MBD5: variants seen among roughly 807,000 people sequenced by gnomAD.
MBD5 encodes methyl-CpG binding domain protein 5, also known as methyl-CpG-binding domain protein 5.
Under a neutral mutation model 117.3 loss-of-function variants are expected in MBD5, and 13 were observed. The ratio of observed to expected loss-of-function variants is 0.11; its 90% CI spans 0.07 to 0.18. The LOEUF is 0.18. Ranked by LOEUF, MBD5 falls within the 10% of genes least tolerant of loss-of-function variation. The pLI, the probability that MBD5 is intolerant of heterozygous loss-of-function variation, is 1.00. For synonymous variants in MBD5, 727 were observed against 766.4 expected, an observed-to-expected ratio of 0.95 and a Z score of 0.85; for missense variants, 1,879 against 2,093.8, an observed-to-expected ratio of 0.90 and a Z score of 2.00.
intron 4 of MBD5, among the ~76,000 whole-genome samples, chr2:148,354,500 T>C (rs1359979145): frequency 6.6e-6 from 1 of 152,248 alleles, no homozygotes; most frequent in Non-Finnish European, 1.5e-5. Flanking sequence ...CACATTTTCT[T>C]TATCCAGTCT....
intron 1 of MBD5, among the ~76,000 whole-genome samples, chr2:148,034,456 A>G (rs1694131497): frequency 6.6e-6 from 1 of 152,228 alleles, no homozygotes; most frequent in Non-Finnish European, 1.5e-5. Context: ...TTTAAAAACC[A>G]TGATTATGAT....
Position 148,309,340 on chromosome 2 carries a change from T to C in MBD5, c.-679-32874T>C, listed in dbSNP as rs994162914. On this transcript the variant is annotated intron_variant, in intron 3 of 13. Coordinates refer to ENST00000642680, the MANE Select transcript of MBD5 (RefSeq NM_001378120.1). ...CCTCTTTTATTTCCTTCAGCAGTGG[T>C]TTGTAATTCTCCCTGAAGAGGTCCT... Among the ~76,000 whole-genome samples, 3 of 152,310 alleles carry C rather than the reference T, an allele frequency of 2.0e-5. 1 individual carries two copies. The highest frequency in any genetic ancestry group is 2.0e-4 in the Admixed American group (3 of 15,294).
At chr2:148,200,792 A>G (rs955987876) in intron 2 of MBD5, among the ~76,000 whole-genome samples, 8 of 151,360 alleles carry the variant, frequency 5.3e-5, no homozygotes, top group Non-Finnish European at 1.0e-4. Context: ...GCACATCATT[A>G]AGGAACACTT....
At chr2:148,251,606 A>G (rs954322731) in intron 3 of MBD5, among the ~76,000 whole-genome samples, 8 of 152,214 alleles carry the variant, frequency 5.3e-5, no homozygotes, top group African/African-American at 1.9e-4. Flanking sequence ...TTCCTATTCA[A>G]TTGAAAATAC....
chr2:148,483,710 A>G lies in MBD5; in HGVS notation c.3119A>G (p.Gln1040Arg). The change falls in exon 9 of 14, where the codon CAG becomes CGG. Residue 1040 changes from glutamine to arginine, a missense_variant. This residue lies in a region of MBD5 where 1,666 missense variants were observed against 1,792.2 expected (regional missense o/e 0.93). Coordinates refer to ENST00000642680, the MANE Select transcript of MBD5 (RefSeq NM_001378120.1). ...TAPPDHLPSN[Q>R]SDNSRAETLL... ...CCACCAGACCATTTGCCAAGCAATC[A>G]GTCAGACAACAGCCGAGCTGAGACC... is the stretch of plus-strand genomic sequence containing the variant. 1 of 1,550,576 alleles carries G rather than the reference A, an allele frequency of 6.4e-7. No homozygotes were observed. Among genetic ancestry groups the G allele is most frequent in the Non-Finnish European group, 8.7e-7 (1 of 1,146,964 alleles).
intron 1 of MBD5, among the ~76,000 whole-genome samples, chr2:148,122,651 C>G (rs1696796595): frequency 6.6e-6 from 1 of 152,056 alleles, no homozygotes; most frequent in Non-Finnish European, 1.5e-5. Context: ...TAACATTTTC[C>G]TCGAGGTGGC....
chr2:148,469,462 A>C lies in MBD5; in HGVS notation c.1519A>C (p.Ser507Arg). 1 of 1,613,914 alleles carries C rather than the reference A, an allele frequency of 6.2e-7. No individual in the cohort carries two copies. Among genetic ancestry groups the C allele is most frequent in the Non-Finnish European group, 8.5e-7 (1 of 1,179,934 alleles). Residue 507 changes from serine (S) to arginine (R), a missense_variant, in exon 8 of 14, where the codon AGC becomes CGC. Physicochemically the swap from Ser to Arg is moderately radical, Grantham distance 110 (BLOSUM62 -1). Transcript: ENST00000642680. ...GTCCCCAAGGCCATCAATGCCATCA[A>C]GCCCTTCTACCAAGTCCGATGGACA... ...IGSPRPSMPS[S>R]PSTKSDGHHQ...
In MBD5 at chr2:148,074,507, G is replaced by GTTTTTTTTTTTTTTTTTTTTTTTGT. The variant is rs11443189; in HGVS notation, c.-925+52834_-925+52835insTTTTTTTTTTTTGTTTTTTTTTTTT. Among the ~76,000 whole-genome samples the GTTTTTTTTTTTTTTTTTTTTTTTGT allele has an allele frequency of 1.8e-5, 2 of 113,772 alleles. 1 individual carries two copies. The highest frequency in any genetic ancestry group is 6.9e-5 in the African/African-American group (2 of 28,966). The allele number at this position is 113,772 out of a possible 152,430, so 74.6% of individuals were successfully genotyped here. A position where few individuals can be genotyped will look rare whatever the true frequency, so the allele number is the denominator to read the frequency against. On this transcript the variant is annotated intron_variant, in intron 1 of 13. Transcript: ENST00000642680. Reference sequence around the variant, plus strand: ...TTGTTTTTTTTTTGTTTTTTTTTTTGTTTTTTTTTTTGAGATGGAGTCTTG... The same window carrying GTTTTTTTTTTTTTTTTTTTTTTTGT: ...TTGTTTTTTTTTTGTTTTTTTTTTTGTTTTTTTTTTTTTTTTTTTTTTTGTTTTTTTTTTTTGAGATGGAGTCTTG...
intron 4 of MBD5, among the ~76,000 whole-genome samples, chr2:148,369,709 A>G (rs955517125): frequency 2.0e-5 from 3 of 152,102 alleles, no homozygotes; most frequent in Admixed American, 1.3e-4. Context: ...TTATTTCAAT[A>G]GCTTTTGGTA....
chr2:148,449,866 T>C (rs1352689984), intron 4 of MBD5, among the ~76,000 whole-genome samples: 1 of 152,020 alleles, frequency 6.6e-6, no homozygotes, highest in Non-Finnish European at 1.5e-5. Flanking sequence ...GAAGATAGTA[T>C]TTTCCGTGAT....
intron 4 of MBD5, among the ~76,000 whole-genome samples, chr2:148,350,002 T>C (rs1703214675): frequency 6.6e-6 from 1 of 151,984 alleles, no homozygotes; most frequent in South Asian, 2.1e-4. Context: ...ATCTTAACAC[T>C]GGAGCTTCGG....
At chr2:148,097,903 T>C (rs1346372252) in intron 1 of MBD5, among the ~76,000 whole-genome samples, 2 of 152,192 alleles carry the variant, frequency 1.3e-5, no homozygotes, top group East Asian at 3.9e-4. Context: ...AGAAGAATAC[T>C]ACCTTCTAGG....
chr2:148,502,550 A>G (rs1481720323), intron 12 of MBD5, 41 bp downstream of exon 12: 1 of 1,566,172 alleles, frequency 6.4e-7, no homozygotes. Flanking sequence ...TTTCCAGGAT[A>G]TAATTTACTG....
At chr2:148,132,219 A>C (rs1369755474) in intron 1 of MBD5, among the ~76,000 whole-genome samples, 2 of 151,930 alleles carry the variant, frequency 1.3e-5, no homozygotes, top group Non-Finnish European at 2.9e-5. Flanking sequence ...TTACAAAAAG[A>C]GAGTTTTATA....
At chr2:148,382,392 CAAG>C (rs1259251701) in intron 4 of MBD5, among the ~76,000 whole-genome samples, 1 of 152,176 alleles carries the variant, frequency 6.6e-6, no homozygotes, top group African/African-American at 2.4e-5. Flanking sequence ...ATCAATTCAA[CAAG>C]AAGAACTAAC....
chr2:148,098,412 G>C (rs536169016), intron 1 of MBD5, among the ~76,000 whole-genome samples: 2 of 152,272 alleles, frequency 1.3e-5, no homozygotes, highest in Non-Finnish European at 2.9e-5. Flanking sequence ...ATCCAAATGA[G>C]ACAAGAGATC....
At chr2:148,279,304 C>G (rs1701184861) in intron 3 of MBD5, among the ~76,000 whole-genome samples, 1 of 152,112 alleles carries the variant, frequency 6.6e-6, no homozygotes, top group Admixed American at 6.5e-5. Flanking sequence ...GTGGCATGAG[C>G]CTATAGTCCT....
At chr2:148,347,170 T>C (rs771243127) in intron 4 of MBD5, 4 of 152,050 alleles carry the variant, frequency 2.6e-5, no homozygotes, top group Admixed American at 6.6e-5. Flanking sequence ...ACTTATGTTA[T>C]ATCAAACATC....
chr2:148,383,654 A>C (rs931288601), intron 4 of MBD5, among the ~76,000 whole-genome samples: 22 of 151,918 alleles, frequency 1.4e-4, no homozygotes, highest in African/African-American at 5.1e-4. Context: ...ACAAAACAAA[A>C]AAAAAAAGAG....
Sources: allele counts gnomAD v4.1 joint callset (sites outside exome capture counted in the v4.1 genomes callset), GRCh38; gene constraint gnomAD v4.1.1; regional missense constraint gnomAD v4.1.1; transcripts MANE v1.5; gene names NCBI Gene and HGNC (gene_info 2026-07-23, HGNC 2026-07-21).